The following RAPGEF4 variants were observed in gnomAD, a reference collection of about 807,000 sequenced individuals.
RAPGEF4 encodes the protein RAP guanine-nucleotide-exchange factor (GEF) 4.
Under a neutral mutation model 147.9 loss-of-function variants are expected in RAPGEF4, and 66 were observed. The ratio of observed to expected loss-of-function variants is 0.45; its 90% CI spans 0.37 to 0.55. The LOEUF (loss-of-function observed/expected upper bound fraction) is 0.55, where lower values mean the gene tolerates loss of function less well. RAPGEF4 is among the 20% of genes least tolerant of loss of function. The pLI is 0.00. For synonymous variants in RAPGEF4, 419 were observed against 442.7 expected, an observed-to-expected ratio of 0.95 and a Z score of 0.67; for missense variants, 1,071 against 1,257.3, an observed-to-expected ratio of 0.85 and a Z score of 2.24.
intron 8 of RAPGEF4, among the ~76,000 whole-genome samples, chr2:172,964,829 T>C (rs1197600557): frequency 6.6e-6 from 1 of 152,198 alleles, no homozygotes; most frequent in East Asian, 1.9e-4. Context: ...TATGTGAGTG[T>C]ATATACTTAT....
At chr2:172,978,012 G>C (rs1479471995) in intron 10 of RAPGEF4, among the ~76,000 whole-genome samples, 1 of 152,150 alleles carries the variant, frequency 6.6e-6, no homozygotes, top group East Asian at 1.9e-4. Context: ...TGTTGTTTAG[G>C]ATTCAGAAAC....
At chr2:172,940,817 G>C (rs1687070276) in intron 6 of RAPGEF4, among the ~76,000 whole-genome samples, 1 of 152,154 alleles carries the variant, frequency 6.6e-6, no homozygotes, top group Admixed American at 6.5e-5. Context: ...AAGCTGAGAA[G>C]AACTGACGTC....
intron 1 of RAPGEF4, among the ~76,000 whole-genome samples, chr2:172,773,524 C>T (rs1683835256): frequency 6.6e-6 from 1 of 152,088 alleles, no homozygotes; most frequent in Admixed American, 6.5e-5. Flanking sequence ...GGTCTGGAAT[C>T]TTACTCATCC....
intron 4 of RAPGEF4, among the ~76,000 whole-genome samples, chr2:172,850,722 C>T (rs1283034263): frequency 3.9e-5 from 6 of 152,118 alleles, no homozygotes; most frequent in African/African-American, 1.2e-4. Flanking sequence ...CTACTATTAA[C>T]ACTTTTGTCT....
chr2:172,806,365 A>G (rs1687497937), intron 3 of RAPGEF4, among the ~76,000 whole-genome samples: 1 of 152,184 alleles, frequency 6.6e-6, no homozygotes. Flanking sequence ...ACCCAATGCA[A>G]CCCACGGTGG....
intron 4 of RAPGEF4, among the ~76,000 whole-genome samples, chr2:172,897,530 C>T (rs1698607014): frequency 6.6e-6 from 1 of 151,992 alleles, no homozygotes; most frequent in Admixed American, 6.6e-5. Context: ...TCCCAAGTAG[C>T]TAGGACTACA....
chr2:172,937,892 G>A lies in RAPGEF4; in HGVS notation c.537+15592G>A, dbSNP rs114971945. On this transcript the variant is annotated intron_variant, in intron 6 of 30. Transcript: ENST00000397081. ...CCATATTAATTTTATTGCTCAAATT[G>A]TTCCAGCTTTGGCCACTGGGAGCTC... Among the ~76,000 whole-genome samples, 756 of 152,060 alleles carry A rather than the reference G, an allele frequency of 5.0e-3. 4 individuals are homozygous for A. Among genetic ancestry groups the A allele is most frequent in the African/African-American group, 0.017 (712 of 41,482 alleles).
chr2:172,898,793 C>T (rs779800813), intron 4 of RAPGEF4, among the ~76,000 whole-genome samples: 3 of 152,124 alleles, frequency 2.0e-5, no homozygotes, highest in African/African-American at 7.2e-5. Flanking sequence ...CTGACACTGT[C>T]GTGGAAGGGA....
At chr2:172,934,615 G>C (rs915513059) in intron 6 of RAPGEF4, among the ~76,000 whole-genome samples, 11 of 152,030 alleles carry the variant, frequency 7.2e-5, no homozygotes, top group African/African-American at 2.7e-4. Context: ...AATTATTTCA[G>C]AATGTGGTAC....
At chr2:172,751,330 ACATT>A (rs1171100278) in intron 1 of RAPGEF4, among the ~76,000 whole-genome samples, 2 of 152,220 alleles carry the variant, frequency 1.3e-5, no homozygotes, top group African/African-American at 4.8e-5. Flanking sequence ...AGGTGGGAAG[ACATT>A]CATTCATTCA....
At position 172,996,487 on chromosome 2, in the gene RAPGEF4, A is replaced by G; in HGVS notation, c.1512A>G (p.Thr504=). 1 of 1,579,534 alleles carries G rather than the reference A, an allele frequency of 6.3e-7. No homozygotes were observed. Residue 504 remains threonine (T), a synonymous_variant, in exon 16 of 31, where the codon ACA becomes ACG. Transcript: ENST00000397081. ...CCAGGTATACTGTGATGTCAGGAAC[A>G]CCTGAAAAAATTTTAGAGCATTTTC... is the stretch of plus-strand genomic sequence containing the variant. ...PQQKYTVMSG[T]PEKILEHFLE... is the part of the protein sequence containing the mutation.
chr2:172,988,997 G>T (rs574649848), intron 14 of RAPGEF4, among the ~76,000 whole-genome samples, 158 bp downstream of exon 14: 11 of 152,196 alleles, frequency 7.2e-5, no homozygotes, highest in African/African-American at 2.2e-4. Flanking sequence ...TTAATGTGTT[G>T]GTATGCATTC....
intron 4 of RAPGEF4, among the ~76,000 whole-genome samples, chr2:172,916,278 G>A (rs902938494): frequency 1.3e-5 from 2 of 152,170 alleles, no homozygotes; most frequent in African/African-American, 4.8e-5. Context: ...ATATTTCTAA[G>A]CAAAGTGAAA....
At chr2:172,825,503 G>A (rs1278955353) in intron 4 of RAPGEF4, among the ~76,000 whole-genome samples, 1 of 152,114 alleles carries the variant, frequency 6.6e-6, no homozygotes, top group Non-Finnish European at 1.5e-5. Flanking sequence ...GGATGCTTGA[G>A]GTTTTATTAT....
intron 6 of RAPGEF4, among the ~76,000 whole-genome samples, chr2:172,942,438 T>C (rs1333170789): frequency 1.3e-5 from 2 of 151,952 alleles, no homozygotes; most frequent in Non-Finnish European, 2.9e-5. Context: ...TCCTAACGGA[T>C]GTCCACCTTT....
At chr2:172,899,715 C>CA (rs1698867599) in intron 4 of RAPGEF4, among the ~76,000 whole-genome samples, 1 of 152,042 alleles carries the variant, frequency 6.6e-6, no homozygotes, top group African/African-American at 2.4e-5. Flanking sequence ...AGTGAAAGAA[C>CA]AAAAAATCGG....
chr2:172,935,186 A>C (rs1392700928), intron 6 of RAPGEF4, among the ~76,000 whole-genome samples: 1 of 152,270 alleles, frequency 6.6e-6, no homozygotes, highest in East Asian at 1.9e-4. Context: ...CAAAAAAACC[A>C]AACAAGAGAG....
intron 4 of RAPGEF4, among the ~76,000 whole-genome samples, chr2:172,900,778 G>A (rs893295625): frequency 6.6e-6 from 1 of 152,110 alleles, no homozygotes; most frequent in Non-Finnish European, 1.5e-5. Context: ...ACCATAAGAC[G>A]GTTGTCAAAA....
intron 1 of RAPGEF4, among the ~76,000 whole-genome samples, chr2:172,784,794 C>T (rs1685032903): frequency 6.6e-6 from 1 of 151,882 alleles, no homozygotes. Flanking sequence ...AGTCACCTAA[C>T]TTCTGTGTCT....
Sources: gnomAD v4.1 joint callset for allele counts (sites outside exome capture counted in the v4.1 genomes callset) on GRCh38, gnomAD v4.1.1 for gene constraint, MANE v1.5 for transcripts, NCBI Gene and HGNC (gene_info 2026-07-23, HGNC 2026-07-21) for gene names.